TMEM182: variants seen among roughly 807,000 people sequenced by gnomAD.
TMEM182 encodes the protein transmembrane protein 182.
In TMEM182, 20 loss-of-function variants were observed where a neutral mutation model predicts 26.8. The observed-to-expected ratio is 0.75, with a 90% CI of 0.53 to 1.09. TMEM182 has a LOEUF of 1.09. Among genes scored for constraint, TMEM182 ranks in the 50% least tolerant of loss-of-function variants. The probability of loss-of-function intolerance (pLI) is 0.00; values close to 1 mark genes in which losing one functional copy is unlikely to be tolerated. For missense variants in TMEM182, 277 were observed against 275.5 expected (o/e 1.01, Z -0.04); for synonymous variants, 109 against 102.2 (o/e 1.07, Z -0.40).
chr2:102,816,490 AT>A lies in TMEM182; in HGVS notation c.*1526del, dbSNP rs1373379662. ...TTGCAAAGGTCTGAATCTTCAGGGCATTTTCATGACAGGACTTGCCAATAAT... is the reference window on the plus strand; with the variant it reads ...TTGCAAAGGTCTGAATCTTCAGGGCATTTCATGACAGGACTTGCCAATAAT... On this transcript the variant is annotated 3_prime_UTR_variant, in exon 5 of 5. Coordinates refer to ENST00000412401, the MANE Select transcript of TMEM182 (RefSeq NM_144632.5). 29 of 982,554 alleles carry A rather than the reference AT, an allele frequency of 3.0e-5. No homozygotes were observed. The highest frequency in any genetic ancestry group is 3.4e-5 in the Non-Finnish European group (28 of 829,354). 60.9% of individuals were successfully genotyped at this position (982,554 alleles called of 1,614,324 possible). A position where few individuals can be genotyped will look rare whatever the true frequency, so the allele number is the denominator to read the frequency against.
At chr2:102,745,075 T>C (rs189466894) in intron 1 of TMEM182, among the ~76,000 whole-genome samples, 2 of 152,188 alleles carry the variant, frequency 1.3e-5, no homozygotes, top group East Asian at 3.9e-4. Context: ...GCCCAACAGA[T>C]GTTGGATAGT....
chr2:102,826,916 T>C (rs1683041888), intron 3 of TMEM182, among the ~76,000 whole-genome samples: 1 of 152,058 alleles, frequency 6.6e-6, no homozygotes, highest in African/African-American at 2.4e-5. Context: ...AAAAAAAAAA[T>C]CCTAATTCAA....
chr2:102,787,494 C>T (rs1393422513), intron 3 of TMEM182, among the ~76,000 whole-genome samples: 1 of 152,188 alleles, frequency 6.6e-6, no homozygotes, highest in Non-Finnish European at 1.5e-5. Flanking sequence ...TTCTCTCACA[C>T]TTTGGGGGTT....
intron 3 of TMEM182, among the ~76,000 whole-genome samples, chr2:102,824,628 T>C (rs1438953608): frequency 1.3e-5 from 2 of 151,962 alleles, no homozygotes; most frequent in African/African-American, 4.8e-5. Flanking sequence ...ATTGAGACCA[T>C]CCTGGCCAAC....
At chr2:102,760,894 G>A (rs1397000410), upstream of TMEM182, among the ~76,000 whole-genome samples, 2 of 152,068 alleles carry the variant, frequency 1.3e-5, no homozygotes, top group South Asian at 2.1e-4. Flanking sequence ...ACCGCGCCTG[G>A]CCTTATTCAT....
chr2:102,743,097 A>G (rs1036905422), intron 1 of TMEM182, among the ~76,000 whole-genome samples: 1 of 152,200 alleles, frequency 6.6e-6, no homozygotes, highest in Admixed American at 6.5e-5. Flanking sequence ...CCAAGTGATT[A>G]TAGTATGAAA....
At chr2:102,794,974 T>C (rs1305275677) in intron 3 of TMEM182, among the ~76,000 whole-genome samples, 1 of 152,152 alleles carries the variant, frequency 6.6e-6, no homozygotes, top group Admixed American at 6.5e-5. Context: ...TGAAACTTCA[T>C]TTATTTTGTT....
chr2:102,804,897 C>T (rs576066214), intron 4 of TMEM182, among the ~76,000 whole-genome samples: 2 of 152,334 alleles, frequency 1.3e-5, no homozygotes, highest in South Asian at 4.1e-4. Context: ...ACTCATATTT[C>T]TAAAAGTACC....
intron 3 of TMEM182, among the ~76,000 whole-genome samples, chr2:102,822,754 G>A (rs748151734): frequency 3.9e-5 from 6 of 152,188 alleles, no homozygotes; most frequent in Non-Finnish European, 8.8e-5. Flanking sequence ...AGTGGATGGT[G>A]TGAAGAGGGC....
At chr2:102,779,934 C>T (rs1175848029) in intron 3 of TMEM182, among the ~76,000 whole-genome samples, 1 of 151,890 alleles carries the variant, frequency 6.6e-6, no homozygotes, top group African/African-American at 2.4e-5. Context: ...ACCCAGGAGG[C>T]GGAGGTTGCA....
intron 3 of TMEM182, among the ~76,000 whole-genome samples, chr2:102,773,443 C>T (rs963538095): frequency 2.0e-5 from 3 of 151,554 alleles, no homozygotes; most frequent in African/African-American, 4.9e-5. Flanking sequence ...AGCGAGGGAG[C>T]GAGCCATGCA....
chr2:102,832,296 T>G (rs1350661916), intron 3 of TMEM182, among the ~76,000 whole-genome samples: 2 of 152,220 alleles, frequency 1.3e-5, no homozygotes, highest in Non-Finnish European at 2.9e-5. Flanking sequence ...TTTGGTATTG[T>G]TATAGTTATT....
At chr2:102,766,890 G>A (rs1466061361) in intron 3 of TMEM182, among the ~76,000 whole-genome samples, 1 of 152,156 alleles carries the variant, frequency 6.6e-6, no homozygotes, top group Non-Finnish European at 1.5e-5. Context: ...AAATAATATA[G>A]TGGTGTATGA....
At chr2:102,794,554 T>C (rs951122806) in intron 3 of TMEM182, among the ~76,000 whole-genome samples, 1 of 152,222 alleles carries the variant, frequency 6.6e-6, no homozygotes, top group African/African-American at 2.4e-5. Flanking sequence ...CTTCTTTCTA[T>C]ATTTTCACCA....
chr2:102,808,776 T>C (rs887787579), intron 4 of TMEM182, among the ~76,000 whole-genome samples: 8 of 152,282 alleles, frequency 5.3e-5, no homozygotes, highest in African/African-American at 1.9e-4. Flanking sequence ...TGAACACATC[T>C]TGAGAACATG....
intron 3 of TMEM182, among the ~76,000 whole-genome samples, chr2:102,833,820 A>G (rs965145760): frequency 1.3e-5 from 2 of 152,166 alleles, no homozygotes; most frequent in Admixed American, 1.3e-4. Flanking sequence ...TGATGTTTTG[A>G]TAGATTGGAG....
intron 3 of TMEM182, among the ~76,000 whole-genome samples, chr2:102,832,292 ATTG>A (rs2104776312): frequency 1.3e-5 from 2 of 152,262 alleles, no homozygotes; most frequent in South Asian, 4.1e-4. Context: ...TACTTTTGGT[ATTG>A]TTATAGTTAT....
At chr2:102,826,185 A>G (rs1683026727) in intron 3 of TMEM182, among the ~76,000 whole-genome samples, 1 of 152,106 alleles carries the variant, frequency 6.6e-6, no homozygotes, top group African/African-American at 2.4e-5. Flanking sequence ...GTAGAGAGAA[A>G]ACTTCTGCAT....
Position 102,817,251 on chromosome 2 carries a change from G to C in TMEM182, c.*2283G>C, listed in dbSNP as rs532925325. 5.4e-5 allele frequency: 53 copies of C among 985,082 alleles called. No homozygotes were observed. The highest frequency in any genetic ancestry group is 5.9e-5 in the Non-Finnish European group (49 of 829,760). 61.0% of individuals were successfully genotyped at this position (985,082 alleles called of 1,614,324 possible). A position where few individuals can be genotyped will look rare whatever the true frequency, so the allele number is the denominator to read the frequency against. ...CCATGTTATGTTTATTTCTCTATTG[G>C]TTGTATTTATTAATTTTTAGAAGCC... On this transcript the variant is annotated 3_prime_UTR_variant, in exon 5 of 5. Transcript: ENST00000412401.
Sources: gnomAD v4.1 joint callset for allele counts (sites outside exome capture counted in the v4.1 genomes callset) on GRCh38, gnomAD v4.1.1 for gene constraint, MANE v1.5 for transcripts, NCBI Gene and HGNC (gene_info 2026-07-23, HGNC 2026-07-21) for gene names.